The following ELMO1 variants were observed in gnomAD, a reference collection of about 807,000 sequenced individuals.
The protein encoded by ELMO1 is engulfment and cell motility 1.
A neutral mutation model predicts 98.9 loss-of-function variants in ELMO1; 26 were observed. The ratio of observed to expected loss-of-function variants is 0.26; its 90% confidence interval spans 0.19 to 0.36. The LOEUF (loss-of-function observed/expected upper bound fraction) is 0.36, where lower values mean the gene tolerates loss of function less well. Among genes scored for constraint, ELMO1 ranks in the 10% least tolerant of loss-of-function variants. The pLI is 1.00. For missense variants in ELMO1, 627 were observed against 935.2 expected (o/e 0.67, Z 4.30); for synonymous variants, 346 against 346.0 (o/e 1.00, Z 0.00).
chr7:37,113,157 TC>T (rs1486512338), intron 14 of ELMO1, among the ~76,000 whole-genome samples: 3 of 152,198 alleles, frequency 2.0e-5, no homozygotes, highest in Non-Finnish European at 4.4e-5. Flanking sequence ...GAGATCTACT[TC>T]TGTGGTTTCC....
rs1267941039 is a variant in ELMO1, at chr7:36,884,879, T to C, written c.1714+2681A>G. On this transcript the variant is annotated intron_variant, in intron 18 of 21. Coordinates refer to ENST00000310758, the MANE Select transcript of ELMO1 (RefSeq NM_014800.11). ...TTGTCAGACAAGTTTAGAGGGAGTA[T>C]GGTGCTGGCTCCTGCACTGGGAGTG... Among the ~76,000 whole-genome samples, 5 of 152,224 alleles carry C rather than the reference T, an allele frequency of 3.3e-5. No homozygotes were observed. In the South Asian group the frequency reaches 8.3e-4, roughly 25 times the overall value.
At chr7:37,063,600 C>T (rs180954018) in intron 15 of ELMO1, among the ~76,000 whole-genome samples, 34 of 152,190 alleles carry the variant, frequency 2.2e-4, no homozygotes, top group Non-Finnish European at 4.1e-4. Flanking sequence ...GTTTTCAAGC[C>T]ATGATCACAG....
chr7:37,197,112 T>C (rs1249743610), intron 13 of ELMO1: 2 of 152,206 alleles, frequency 1.3e-5, no homozygotes, highest in Non-Finnish European at 2.9e-5. Context: ...CTTTTAACCA[T>C]GTTGTCCCAA....
intron 15 of ELMO1, among the ~76,000 whole-genome samples, chr7:37,026,184 A>T (rs1794566509): frequency 6.6e-6 from 1 of 152,150 alleles, no homozygotes; most frequent in Non-Finnish European, 1.5e-5. Flanking sequence ...CTGTCCAACC[A>T]TGTGAGATGG....
intron 14 of ELMO1, among the ~76,000 whole-genome samples, chr7:37,099,148 T>C (rs1784511225): frequency 6.6e-6 from 1 of 152,226 alleles, no homozygotes; most frequent in Non-Finnish European, 1.5e-5. Context: ...TATTTTTTAA[T>C]GCACCATCCA....
At chr7:37,014,325 G>A (rs1048201409) in intron 15 of ELMO1, among the ~76,000 whole-genome samples, 78 of 151,858 alleles carry the variant, frequency 5.1e-4, no homozygotes, top group Non-Finnish European at 2.5e-4. Context: ...AAGGAACTAA[G>A]GTTTGTGACC....
intron 1 of ELMO1, among the ~76,000 whole-genome samples, chr7:37,411,949 A>C (rs1804008804): frequency 6.6e-6 from 1 of 152,138 alleles, no homozygotes; most frequent in Non-Finnish European, 1.5e-5. Context: ...ATATTTAATT[A>C]ATATGCTCCA....
intron 13 of ELMO1, among the ~76,000 whole-genome samples, chr7:37,179,098 G>C (rs976705417): frequency 1.3e-5 from 2 of 152,120 alleles, no homozygotes; most frequent in African/African-American, 4.8e-5. Context: ...AAAGGGAACA[G>C]GGTAACACTC....
chr7:36,900,867 T>C (rs1379400839), intron 16 of ELMO1, among the ~76,000 whole-genome samples: 1 of 152,194 alleles, frequency 6.6e-6, no homozygotes, highest in Non-Finnish European at 1.5e-5. Flanking sequence ...GAATGTTCCT[T>C]ACGCACAACA....
At chr7:37,260,240 C>T (rs1432858268) in intron 5 of ELMO1, among the ~76,000 whole-genome samples, 2 of 152,198 alleles carry the variant, frequency 1.3e-5, no homozygotes, top group South Asian at 2.1e-4. Context: ...TTGAAGCACT[C>T]TGCTATCATC....
At chr7:36,958,772 T>C (rs1453124709) in intron 16 of ELMO1, among the ~76,000 whole-genome samples, 3 of 152,070 alleles carry the variant, frequency 2.0e-5, no homozygotes, top group Non-Finnish European at 2.9e-5. Flanking sequence ...TGCTAGGTTT[T>C]TTTCATCTTC....
chr7:37,397,124 A>G (rs1439800207), intron 1 of ELMO1, among the ~76,000 whole-genome samples: 1 of 152,256 alleles, frequency 6.6e-6, no homozygotes, highest in African/African-American at 2.4e-5. Context: ...ACAGGTTAGA[A>G]TGTCTGCAAA....
chr7:37,190,434 A>G (rs529313975), intron 13 of ELMO1, among the ~76,000 whole-genome samples: 34 of 152,336 alleles, frequency 2.2e-4, no homozygotes, highest in African/African-American at 8.2e-4. Flanking sequence ...AGATGAAGCT[A>G]AGCATATACT....
chr7:37,047,627 A>T (rs17170851), intron 15 of ELMO1, among the ~76,000 whole-genome samples: 12,654 of 152,268 alleles, frequency 0.083, 741 homozygotes, highest in African/African-American at 0.17. Flanking sequence ...GGCTTATTCT[A>T]GTTAAATGCC....
At chr7:37,169,032 G>A (rs1332285752) in intron 13 of ELMO1, among the ~76,000 whole-genome samples, 1 of 152,060 alleles carries the variant, frequency 6.6e-6, no homozygotes, top group African/African-American at 2.4e-5. Context: ...ACCTAAGCAA[G>A]CCTGGGCAAT....
intron 4 of ELMO1, among the ~76,000 whole-genome samples, chr7:37,277,169 T>G (rs1796885105): frequency 6.6e-6 from 1 of 152,258 alleles, no homozygotes; most frequent in Non-Finnish European, 1.5e-5. Flanking sequence ...TAAACAGGAC[T>G]AATTCCTGTC....
At position 37,082,935 on chromosome 7, in the gene ELMO1, T is replaced by C. The variant is rs142713404; in HGVS notation, c.1300+13684A>G. Among the ~76,000 whole-genome samples, 340 of 152,324 alleles carry C rather than the reference T, an allele frequency of 2.2e-3. 2 individuals are homozygous for C. Among genetic ancestry groups the C allele is most frequent in the South Asian group, 4.8e-3 (23 of 4,828 alleles). On this transcript the variant is annotated intron_variant, in intron 15 of 21. Transcript: ENST00000310758. Reference sequence around the variant, plus strand: ...GAATAGTCAGTTCAGGTTATACATATGTCACTCAAGAACAGGTGACAACAA... The same window carrying C: ...GAATAGTCAGTTCAGGTTATACATACGTCACTCAAGAACAGGTGACAACAA...
intron 6 of ELMO1, among the ~76,000 whole-genome samples, chr7:37,248,197 T>TGC (rs1795121854): frequency 6.7e-6 from 1 of 150,210 alleles, no homozygotes; most frequent in African/African-American, 2.5e-5. Context: ...ATTTTATATG[T>TGC]GTGTGTGTGT....
intron 13 of ELMO1, among the ~76,000 whole-genome samples, chr7:37,194,848 C>T (rs1791866062): frequency 6.6e-6 from 1 of 152,216 alleles, no homozygotes; most frequent in South Asian, 2.1e-4. Context: ...TTGTATGATT[C>T]TCATAGCATA....
Sources: allele counts gnomAD v4.1 joint callset (sites outside exome capture counted in the v4.1 genomes callset), GRCh38; gene constraint gnomAD v4.1.1; transcripts MANE v1.5; gene names NCBI Gene and HGNC (gene_info 2026-07-23, HGNC 2026-07-21).